The following PTPN2 variants were observed in gnomAD, a reference collection of about 807,000 sequenced individuals.
PTPN2 encodes the protein protein tyrosine phosphatase non-receptor type 2, also known as tyrosine-protein phosphatase non-receptor type 2.
Under a neutral mutation model 57.3 loss-of-function variants are expected in PTPN2, and 19 were observed. The observed-to-expected ratio is 0.33, with a 90% CI of 0.23 to 0.49. The LOEUF (loss-of-function observed/expected upper bound fraction) is 0.49. Ranked by LOEUF, PTPN2 falls within the 20% of genes least tolerant of loss-of-function variation. The pLI is 0.99. For missense variants in PTPN2, 358 were observed against 501.1 expected, an observed-to-expected ratio of 0.71 and a Z score of 2.73; for synonymous variants, 153 against 164.9, an observed-to-expected ratio of 0.93 and a Z score of 0.55.
intron 1 of PTPN2, among the ~76,000 whole-genome samples, chr18:12,866,583 T>C (rs774691661): frequency 6.6e-6 from 1 of 152,176 alleles, no homozygotes; most frequent in Admixed American, 6.5e-5. Context: ...TGGGTGAGAA[T>C]GGAGAATAAC....
rs115820500 is a variant in PTPN2 at position 12,825,110 on chromosome 18, A to G, written c.495+700T>C. On this transcript the variant is annotated intron_variant, in intron 5 of 8. Coordinates refer to ENST00000309660, the MANE Select transcript of PTPN2 (RefSeq NM_002828.4). ...CAAAAAACCAATCAACCAACCAACC[A>G]ACCAACCAAACAAACACCCAAGTAA... 5.5e-3 allele frequency among the ~76,000 whole-genome samples: 834 copies of G among 152,082 alleles called. 10 individuals are homozygous for G. The highest frequency in any genetic ancestry group is 0.019 in the African/African-American group (799 of 41,396).
chr18:12,851,969 A>C (rs2043410995), intron 2 of PTPN2, among the ~76,000 whole-genome samples: 1 of 152,190 alleles, frequency 6.6e-6, no homozygotes, highest in African/African-American at 2.4e-5. Context: ...CTGCATGATT[A>C]CACATATATT....
intron 8 of PTPN2, 173 bp downstream of exon 8, chr18:12,801,797 A>G (rs1424028777): frequency 3.0e-6 from 2 of 656,434 alleles, no homozygotes; most frequent in Non-Finnish European, 5.1e-6. Flanking sequence ...TCAAACTCCT[A>G]GACTCAAGTG....
intron 2 of PTPN2, chr18:12,840,607 T>A (rs1332532591): frequency 2.0e-5 from 26 of 1,272,190 alleles, no homozygotes; most frequent in Non-Finnish European, 2.6e-5. Flanking sequence ...TGCATATGAA[T>A]ATGGATCACA....
chr18:12,854,530 T>C (rs1024244083), intron 2 of PTPN2, among the ~76,000 whole-genome samples: 4 of 152,072 alleles, frequency 2.6e-5, no homozygotes, highest in African/African-American at 9.7e-5. Context: ...AAGGCAGGTG[T>C]GGGGCTAAGG....
intron 1 of PTPN2, among the ~76,000 whole-genome samples, 176 bp from the exon 2 acceptor site, chr18:12,859,430 C>T (rs2043711221): frequency 1.3e-5 from 2 of 152,224 alleles, no homozygotes; most frequent in South Asian, 4.1e-4. Context: ...AAACGATTTT[C>T]TTCCCCATTA....
At chr18:12,835,165 T>A (rs1436544754) in intron 3 of PTPN2, among the ~76,000 whole-genome samples, 1 of 152,144 alleles carries the variant, frequency 6.6e-6, no homozygotes, top group African/African-American at 2.4e-5. Flanking sequence ...GAAAATAAAA[T>A]TTTTAACTCT....
rs73404436 is a variant in PTPN2 at position 12,815,694 on chromosome 18, C to T, written c.706-1339G>A. Among the ~76,000 whole-genome samples, 627 of 152,240 alleles carry T rather than the reference C, an allele frequency of 4.1e-3. 4 individuals carry two copies. The highest frequency in any genetic ancestry group is 0.014 in the African/African-American group (562 of 41,542). On this transcript the variant is annotated intron_variant, in intron 6 of 8. Transcript: ENST00000309660. ...TTTTGATTGAAGTATACTATATATA[C>T]GCAGAGTGGTAAAGTAATACAGATG...
At chr18:12,883,895 A>T in intron 1 of PTPN2, 178 bp downstream of exon 1, 1 of 481,596 alleles carries the variant, frequency 2.1e-6, no homozygotes, top group Non-Finnish European at 3.6e-6. Context: ...TTTTTAAACC[A>T]AAAGGAGCAA....
chr18:12,806,027 T>A (rs1429104874), intron 7 of PTPN2, among the ~76,000 whole-genome samples: 4 of 151,994 alleles, frequency 2.6e-5, no homozygotes, highest in Non-Finnish European at 2.9e-5. Flanking sequence ...AAGGAGGAAG[T>A]CAAATTGTCT....
chr18:12,790,963 TAA>T (rs572802369), downstream of PTPN2, among the ~76,000 whole-genome samples: 1,308 of 152,302 alleles, frequency 8.6e-3, 20 homozygotes, highest in African/African-American at 0.03. Flanking sequence ...CACAAATGTA[TAA>T]AGTCTCCTCT....
At chr18:12,829,444 G>A (rs1190176790) in intron 4 of PTPN2, among the ~76,000 whole-genome samples, 2 of 148,020 alleles carry the variant, frequency 1.4e-5, no homozygotes, top group African/African-American at 5.0e-5. Context: ...AGTGGAGGCT[G>A]CAGTGAGCTG....
downstream of PTPN2, among the ~76,000 whole-genome samples, chr18:12,789,842 T>C (rs1462287289): frequency 6.9e-6 from 1 of 144,458 alleles, no homozygotes; most frequent in East Asian, 2.1e-4. Context: ...TTTATATCTA[T>C]TTTATATATC....
chr18:12,805,811 G>A (rs944349883), intron 7 of PTPN2, among the ~76,000 whole-genome samples: 1 of 151,916 alleles, frequency 6.6e-6, no homozygotes, highest in Admixed American at 6.6e-5. Context: ...TGTATTTTTA[G>A]TAGAGGCAGA....
intron 7 of PTPN2, among the ~76,000 whole-genome samples, chr18:12,807,600 T>TATATATATATATATATATATATATATA (rs71174144): frequency 1.2e-5 from 1 of 85,216 alleles, no homozygotes; most frequent in African/African-American, 3.6e-5. Context: ...TATATATATA[T>TATATATATATATATATATATATATATA]ATATAATATA....
intron 1 of PTPN2, among the ~76,000 whole-genome samples, chr18:12,882,228 T>C (rs2044688393): frequency 6.6e-6 from 1 of 152,352 alleles, no homozygotes; most frequent in African/African-American, 2.4e-5. Flanking sequence ...GTGCATGCCA[T>C]GGTTTCTACT....
At chr18:12,812,739 T>C (rs973365341) in intron 7 of PTPN2, among the ~76,000 whole-genome samples, 38 of 152,120 alleles carry the variant, frequency 2.5e-4, no homozygotes, top group Non-Finnish European at 3.4e-4. Context: ...TCTGCAGAAA[T>C]TAACCCCTTG....
chr18:12,810,308 G>A (rs1038510523), intron 7 of PTPN2, among the ~76,000 whole-genome samples: 1 of 151,834 alleles, frequency 6.6e-6, no homozygotes, highest in Non-Finnish European at 1.5e-5. Context: ...AGGTTGCAGT[G>A]AGCCGAGATC....
In PTPN2 at chr18:12,884,212, G is replaced by C. The variant is rs1413232812; in HGVS notation, c.-71C>G. 3.1e-6 allele frequency: 4 copies of C among 1,272,948 alleles called. No individual in the cohort carries two copies. The highest frequency in any genetic ancestry group is 3.0e-5 in the East Asian group (1 of 33,100). 78.9% of individuals were successfully genotyped at this position (1,272,948 alleles called of 1,614,324 possible). ...AGGCTCAGGCCCCGCACGATCCGGG[G>C]AGAGCGCTGGCGCTGCGGCGCATGC... On this transcript the variant is annotated 5_prime_UTR_variant, in exon 1 of 9. Transcript: ENST00000309660.
Sources: allele counts gnomAD v4.1 joint callset (sites outside exome capture counted in the v4.1 genomes callset), GRCh38; gene constraint gnomAD v4.1.1; transcripts MANE v1.5; gene names NCBI Gene and HGNC (gene_info 2026-07-23, HGNC 2026-07-21).